KCNH7: variants seen among roughly 807,000 people sequenced by gnomAD.
The protein encoded by KCNH7 is potassium voltage-gated channel subfamily H member 7, also known as voltage-gated inwardly rectifying potassium channel KCNH7.
KCNH7 carries 49 observed loss-of-function variants against 120.8 expected under a neutral mutation model. The ratio of observed to expected loss-of-function variants is 0.41; its 90% confidence interval spans 0.32 to 0.51. The LOEUF (loss-of-function observed/expected upper bound fraction) is 0.51. Ranked by LOEUF, KCNH7 falls within the 20% of genes least tolerant of loss-of-function variation. The pLI, the probability that KCNH7 is intolerant of heterozygous loss-of-function variation, is 0.38. For missense variants in KCNH7, 1,097 were observed against 1,446.6 expected, an observed-to-expected ratio of 0.76 and a Z score of 3.92; for synonymous variants, 547 against 516.1, an observed-to-expected ratio of 1.06 and a Z score of -0.81.
intron 2 of KCNH7, among the ~76,000 whole-genome samples, chr2:162,630,602 T>C (rs1683732797): frequency 2.0e-5 from 3 of 152,198 alleles, no homozygotes; most frequent in South Asian, 4.1e-4. Flanking sequence ...CAGGCAGTGG[T>C]TTAAAATTAG....
intron 2 of KCNH7, among the ~76,000 whole-genome samples, chr2:162,609,083 T>A (rs942130851): frequency 1.3e-5 from 2 of 152,116 alleles, no homozygotes; most frequent in African/African-American, 4.8e-5. Context: ...TTCACGCAGT[T>A]TTCAAGGTTT....
chr2:162,428,459 G>T (rs1466078834), intron 8 of KCNH7, among the ~76,000 whole-genome samples: 1 of 151,778 alleles, frequency 6.6e-6, no homozygotes, highest in African/African-American at 2.4e-5. Flanking sequence ...CCAGCATATG[G>T]CTTGTCTACT....
chr2:162,374,254 T>C (rs1686080411), intron 14 of KCNH7, among the ~76,000 whole-genome samples: 1 of 152,204 alleles, frequency 6.6e-6, no homozygotes, highest in Non-Finnish European at 1.5e-5. Flanking sequence ...CTTTGGTATG[T>C]AAGAAGCAGA....
chr2:162,775,964 A>G (rs1301598015), intron 2 of KCNH7, among the ~76,000 whole-genome samples: 1 of 152,192 alleles, frequency 6.6e-6, no homozygotes, highest in African/African-American at 2.4e-5. Context: ...TGGTTTTCTC[A>G]TAGGAATATT....
chr2:162,733,232 G>C (rs932125041), intron 2 of KCNH7, among the ~76,000 whole-genome samples: 1 of 152,152 alleles, frequency 6.6e-6, no homozygotes. Flanking sequence ...TGAGTAGTTA[G>C]CATGGATCGT....
At chr2:162,522,019 G>A (rs1370391770) in intron 3 of KCNH7, among the ~76,000 whole-genome samples, 1 of 151,744 alleles carries the variant, frequency 6.6e-6, no homozygotes, top group Non-Finnish European at 1.5e-5. Flanking sequence ...ATTAAACTCT[G>A]GATTAATAAG....
At chr2:162,384,556 C>G (rs775313966) in intron 13 of KCNH7, 132 bp downstream of exon 13, 1 of 894,514 alleles carries the variant, frequency 1.1e-6, no homozygotes, top group Non-Finnish European at 1.7e-6. Flanking sequence ...GAAATCTGAA[C>G]GCTTCGCGAA....
chr2:162,819,192 A>C (rs1685016079), intron 2 of KCNH7, among the ~76,000 whole-genome samples: 2 of 152,198 alleles, frequency 1.3e-5, no homozygotes, highest in Non-Finnish European at 2.9e-5. Context: ...AATTGGAAAA[A>C]TTTATAGAGT....
Position 162,570,786 on chromosome 2 carries a change from G to C in KCNH7, c.308-33706C>G, listed in dbSNP as rs557897704. 3.9e-5 allele frequency among the ~76,000 whole-genome samples: 6 copies of C among 152,024 alleles called. No homozygotes were observed. In the South Asian group the frequency reaches 1.3e-3, roughly 32 times the overall value. ...AATCCAGCATATAAACAGAACCAAA[G>C]ATAAAAACCACATGATTATCTCAAT... On this transcript the variant is annotated intron_variant, in intron 2 of 15. Transcript: ENST00000332142.
chr2:162,603,855 C>T (rs899612682), intron 2 of KCNH7, among the ~76,000 whole-genome samples: 1 of 151,976 alleles, frequency 6.6e-6, no homozygotes, highest in Non-Finnish European at 1.5e-5. Context: ...ATAAACTTTA[C>T]TAGTATTACA....
At chr2:162,525,928 GAATA>G (rs1041844620) in intron 3 of KCNH7, among the ~76,000 whole-genome samples, 1 of 151,914 alleles carries the variant, frequency 6.6e-6, no homozygotes, top group African/African-American at 2.4e-5. Flanking sequence ...CCATGTTAAT[GAATA>G]AATAATGTAT....
chr2:162,692,778 G>A (rs1686158848), intron 2 of KCNH7, among the ~76,000 whole-genome samples: 1 of 151,972 alleles, frequency 6.6e-6, no homozygotes, highest in African/African-American at 2.4e-5. Context: ...AAGAATTTGG[G>A]GCCACATGGG....
At chr2:162,836,433 T>C (rs904773879) in intron 2 of KCNH7, 104 bp downstream of exon 2, 26 of 800,020 alleles carry the variant, frequency 3.2e-5, no homozygotes, top group Non-Finnish European at 5.3e-5. Context: ...AAAGCATATA[T>C]CTACAATTGA....
At chr2:162,748,989 T>TCCTC in intron 2 of KCNH7, among the ~76,000 whole-genome samples, 1 of 110,814 alleles carries the variant, frequency 9.0e-6, no homozygotes, top group Middle Eastern at 3.9e-3. Context: ...CTTCCTTCCT[T>TCCTC]CTTTCCTCTC....
chr2:162,427,260 G>T (rs542618948), intron 8 of KCNH7, among the ~76,000 whole-genome samples: 7 of 151,966 alleles, frequency 4.6e-5, no homozygotes, highest in Non-Finnish European at 8.8e-5. Context: ...GCTGAGTTGT[G>T]TGGTACATTT....
chr2:162,744,451 C>T (rs1199179455), intron 2 of KCNH7, among the ~76,000 whole-genome samples: 3 of 152,010 alleles, frequency 2.0e-5, no homozygotes, highest in East Asian at 1.9e-4. Context: ...CCCAGGTAAA[C>T]AAGCTTCCCT....
rs1226150409 is a variant in KCNH7, at chr2:162,809,985, A to G, written c.307+26552T>C. ...GGCTGGAGTGCAGTGGCGCAATCTC[A>G]GCTCACTGCAAGCTCCGCCTCCCGG... On this transcript the variant is annotated intron_variant, in intron 2 of 15. Coordinates refer to ENST00000332142, the MANE Select transcript of KCNH7 (RefSeq NM_033272.4). 1.1e-4 allele frequency among the ~76,000 whole-genome samples: 8 copies of G among 70,176 alleles called. 3 individuals carry two copies. The highest frequency in any genetic ancestry group is 5.3e-4 in the Admixed American group (3 of 5,706). The allele number at this position is 70,176 out of a possible 152,430, so 46.0% of individuals were successfully genotyped here.
chr2:162,406,952 T>C (rs772375971), intron 9 of KCNH7, among the ~76,000 whole-genome samples: 2 of 152,058 alleles, frequency 1.3e-5, no homozygotes, highest in Non-Finnish European at 2.9e-5. Context: ...CCACTGATCA[T>C]GATAGGTGAA....
intron 2 of KCNH7, among the ~76,000 whole-genome samples, 160 bp from the exon 3 acceptor site, chr2:162,537,240 A>G (rs1205146251): frequency 6.6e-6 from 1 of 152,082 alleles, no homozygotes; most frequent in Non-Finnish European, 1.5e-5. Flanking sequence ...TTTATTGCAT[A>G]CCATATTCAT....
Sources: gnomAD v4.1 joint callset for allele counts (sites outside exome capture counted in the v4.1 genomes callset) on GRCh38, gnomAD v4.1.1 for gene constraint, MANE v1.5 for transcripts, NCBI Gene and HGNC (gene_info 2026-07-23, HGNC 2026-07-21) for gene names.